SMPD3: variants seen among roughly 807,000 people sequenced by gnomAD.
SMPD3 encodes sphingomyelin phosphodiesterase 3.
SMPD3 carries 21 observed loss-of-function variants against 55.7 expected under a neutral mutation model. That is an observed-to-expected ratio of 0.38 (90% CI 0.27 to 0.54). The LOEUF is 0.54. Among genes scored for constraint, SMPD3 ranks in the 20% least tolerant of loss-of-function variants. The pLI is 0.80. For missense variants in SMPD3, 842 were observed against 899.6 expected, an observed-to-expected ratio of 0.94 and a Z score of 0.82; for synonymous variants, 457 against 404.3, an observed-to-expected ratio of 1.13 and a Z score of -1.56.
At chr16:68,392,795 A>G (rs939778597) in intron 1 of SMPD3, among the ~76,000 whole-genome samples, 2 of 130,228 alleles carry the variant, frequency 1.5e-5, no homozygotes, top group Non-Finnish European at 3.1e-5. Context: ...CGGAGGTTGC[A>G]GTGAGCTGAG....
At chr16:68,433,324 C>T (rs1047441088) in intron 1 of SMPD3, among the ~76,000 whole-genome samples, 6 of 152,326 alleles carry the variant, frequency 3.9e-5, no homozygotes, top group South Asian at 4.1e-4. Flanking sequence ...TCCATTTGCC[C>T]GACCCTCATG....
At chr16:68,381,436 G>T (rs1454674889) in intron 2 of SMPD3, among the ~76,000 whole-genome samples, 1 of 152,204 alleles carries the variant, frequency 6.6e-6, no homozygotes, top group Non-Finnish European at 1.5e-5. Context: ...GCCCGAGACA[G>T]GACTCTTGCC....
In SMPD3 at chr16:68,361,116, C is replaced by T; in HGVS notation, c.*90G>A. ...TCCCTCCCTGTCCCTGCCCTCCTCCCCCAAGCACCGGGCACTCGATGGAGG... is the reference window on the plus strand; with the variant it reads ...TCCCTCCCTGTCCCTGCCCTCCTCCTCCAAGCACCGGGCACTCGATGGAGG... On this transcript the variant is annotated 3_prime_UTR_variant, in exon 9 of 9. Transcript: ENST00000219334. The T allele has an allele frequency of 4.1e-6, 5 of 1,230,570 alleles. No homozygotes were observed. Among genetic ancestry groups the T allele is most frequent in the Non-Finnish European group, 5.7e-6 (5 of 869,752 alleles). The allele number at this position is 1,230,570 out of a possible 1,614,324, so 76.2% of individuals were successfully genotyped here.
chr16:68,370,515 C>G (rs1197130360), intron 3 of SMPD3, among the ~76,000 whole-genome samples: 2 of 152,218 alleles, frequency 1.3e-5, no homozygotes, highest in African/African-American at 4.8e-5. Flanking sequence ...CACTCTTGCG[C>G]CAGCTCGGAA....
At chr16:68,416,251 G>A (rs1264003316) in intron 1 of SMPD3, among the ~76,000 whole-genome samples, 1 of 152,184 alleles carries the variant, frequency 6.6e-6, no homozygotes, top group Non-Finnish European at 1.5e-5. Context: ...AACTGACATG[G>A]GTCATAGCTC....
At chr16:68,435,549 C>G (rs917682739) in intron 1 of SMPD3, among the ~76,000 whole-genome samples, 2 of 151,648 alleles carry the variant, frequency 1.3e-5, no homozygotes, top group Admixed American at 6.6e-5. Context: ...CCAGTTCTGC[C>G]GAGGGCCACA....
intron 1 of SMPD3, among the ~76,000 whole-genome samples, chr16:68,391,736 A>T (rs2090112362): frequency 6.6e-6 from 1 of 152,128 alleles, no homozygotes; most frequent in Admixed American, 6.5e-5. Context: ...GACATCTAAG[A>T]GGGTAGAATG....
rs1329903063 is a variant in SMPD3, at chr16:68,371,652, G to A, written c.530C>T (p.Thr177Ile). ...IKIYIDSPTN[T>I]SISAASFSSL... ...GCTGAAGCTAGCGGCGCTGATGGAG[G>A]TATTGGTGGGGGAGTCGATGTAAAT... Residue 177 changes from threonine to isoleucine, a missense_variant, in exon 3 of 9, where the codon ACC becomes ATC. Transcript: ENST00000219334. The A allele has an allele frequency of 4.5e-6, 7 of 1,566,240 alleles. No individual in the cohort carries two copies. The highest frequency in any genetic ancestry group is 6.1e-6 in the Non-Finnish European group (7 of 1,156,822).
At chr16:68,399,177 T>C (rs1436618081) in intron 1 of SMPD3, among the ~76,000 whole-genome samples, 1 of 152,180 alleles carries the variant, frequency 6.6e-6, no homozygotes, top group African/African-American at 2.4e-5. Context: ...AATGTCCCTG[T>C]GGGTGGGCTT....
intron 3 of SMPD3, 133 bp from the exon 4 acceptor site, chr16:68,365,225 G>A (rs1225652890): frequency 1.7e-5 from 14 of 845,850 alleles, no homozygotes; most frequent in African/African-American, 8.4e-5. Context: ...TCTGGGGTCC[G>A]AGTAGGGACA....
intron 1 of SMPD3, among the ~76,000 whole-genome samples, chr16:68,439,216 A>G (rs981621134): frequency 6.6e-6 from 1 of 152,154 alleles, no homozygotes; most frequent in African/African-American, 2.4e-5. Flanking sequence ...TTCAGACTCA[A>G]GTTTGGTTGG....
At chr16:68,364,500 G>T in intron 5 of SMPD3, 1 of 496,816 alleles carries the variant, frequency 2.0e-6, no homozygotes, top group Non-Finnish European at 3.5e-6. Context: ...GTCTGCTTCA[G>T]AGGCCCCCAG....
At chr16:68,426,251 A>G (rs2090435135) in intron 1 of SMPD3, among the ~76,000 whole-genome samples, 1 of 152,222 alleles carries the variant, frequency 6.6e-6, no homozygotes, top group Non-Finnish European at 1.5e-5. Context: ...AGCCCCACGG[A>G]TGTCAGACAC....
At position 68,378,394 on chromosome 16, in the gene SMPD3, C is replaced by T. The variant is rs992937204; in HGVS notation, c.-206-6007G>A. ...GAGTGATGCAGGTTGGACACATCCA[C>T]GCTAATTCCCGAAAGCCACATCCCA... On this transcript the variant is annotated intron_variant, in intron 2 of 8. Coordinates refer to ENST00000219334, the MANE Select transcript of SMPD3 (RefSeq NM_018667.4). Among the ~76,000 whole-genome samples the T allele has an allele frequency of 4.6e-5, 7 of 152,168 alleles. No individual in the cohort carries two copies. The South Asian group carries it at 8.3e-4, about 18-fold the overall frequency.
intron 1 of SMPD3, among the ~76,000 whole-genome samples, chr16:68,422,996 A>G (rs1248148171): frequency 6.6e-6 from 1 of 152,226 alleles, no homozygotes; most frequent in African/African-American, 2.4e-5. Flanking sequence ...CACAGTTCTC[A>G]GCGGGGGCTT....
chr16:68,365,262 C>T (rs566288477), intron 3 of SMPD3, among the ~76,000 whole-genome samples, 170 bp from the exon 4 acceptor site: 83 of 152,264 alleles, frequency 5.5e-4, no homozygotes, highest in African/African-American at 1.9e-3. Context: ...TAGGGACTTA[C>T]GGATCTGGGC....
intron 8 of SMPD3, 118 bp downstream of exon 8, chr16:68,361,485 G>A: frequency 4.1e-6 from 6 of 1,451,362 alleles, no homozygotes; most frequent in Middle Eastern, 4.1e-4. Context: ...GGAGTGATGG[G>A]TATCATTGTA....
chr16:68,372,068 G>A lies in SMPD3; in HGVS notation c.114C>T (p.Phe38=), dbSNP rs763197303. Residue 38 remains phenylalanine (F), a synonymous_variant, in exon 3 of 9, where the codon TTC becomes TTT. Coordinates refer to ENST00000219334, the MANE Select transcript of SMPD3 (RefSeq NM_018667.4). ...GGCGCTTCTCGTAGGTGGTGGGTAT[G>A]AAGGAGGCAGCGAGCCGGTCCACCA... ...YWLVDRLAAS[F]IPTTYEKRQR... is the part of the protein sequence containing the mutation. 26 of 1,607,138 alleles carry A rather than the reference G, an allele frequency of 1.6e-5. No homozygotes were observed. The highest frequency in any genetic ancestry group is 3.4e-5 in the Admixed American group (2 of 58,366).
chr16:68,411,916 C>T (rs984677113), intron 1 of SMPD3, among the ~76,000 whole-genome samples: 3 of 152,082 alleles, frequency 2.0e-5, no homozygotes, highest in Non-Finnish European at 2.9e-5. Flanking sequence ...GAGTCTGGAT[C>T]AGCACCTGGC....
Sources: gnomAD v4.1 joint callset for allele counts (sites outside exome capture counted in the v4.1 genomes callset) on GRCh38, gnomAD v4.1.1 for gene constraint, MANE v1.5 for transcripts, NCBI Gene and HGNC (gene_info 2026-07-23, HGNC 2026-07-21) for gene names.